PRSS23: variants seen among roughly 807,000 people sequenced by gnomAD.
PRSS23 encodes serine protease 23.
PRSS23 carries 25 observed loss-of-function variants against 34.7 expected under a neutral mutation model. The observed-to-expected ratio is 0.72, with a 90% CI of 0.53 to 1.01. The LOEUF (loss-of-function observed/expected upper bound fraction) is 1.01. PRSS23 is among the 50% of genes least tolerant of loss of function. The pLI is 0.00. For missense variants in PRSS23, 445 were observed against 475.6 expected, an observed-to-expected ratio of 0.94 and a Z score of 0.60; for synonymous variants, 176 against 186.6, an observed-to-expected ratio of 0.94 and a Z score of 0.46.
chr11:86,808,463 G>A lies in PRSS23; in HGVS notation c.820G>A (p.Gly274Arg). Residue 274 changes from glycine to arginine, a missense_variant, in exon 2 of 2, where the codon GGG becomes AGG. By Grantham distance (125) the Gly-to-Arg change is moderately radical. Transcript: ENST00000280258. ...GAGCCCTCCTGCTAAGCAGCTGCCA[G>A]GGGGCAGAATTCACTTCTCTGGTTA... ...GVSPPAKQLP[G>R]GRIHFSGYDN... is the part of the protein sequence containing the mutation. 1 of 1,614,232 alleles carries A rather than the reference G, an allele frequency of 6.2e-7. No homozygotes were observed. The highest frequency in any genetic ancestry group is 8.5e-7 in the Non-Finnish European group (1 of 1,180,036).
At chr11:86,796,827 T>G (rs1947984550), upstream of PRSS23, among the ~76,000 whole-genome samples, 1 of 152,236 alleles carries the variant, frequency 6.6e-6, no homozygotes, top group Non-Finnish European at 1.5e-5. Flanking sequence ...AGTAGTTTTG[T>G]GAACACAGTG....
intron 2 of PRSS23, among the ~76,000 whole-genome samples, chr11:86,828,696 A>G (rs565042878): frequency 1.7e-3 from 257 of 152,268 alleles, no homozygotes; most frequent in African/African-American, 5.9e-3. Context: ...CTTGGTGGTG[A>G]CAGAATCTCT....
At chr11:86,811,833 T>C (rs1565352788), downstream of PRSS23, among the ~76,000 whole-genome samples, 1 of 152,298 alleles carries the variant, frequency 6.6e-6, no homozygotes, top group African/African-American at 2.4e-5. Flanking sequence ...CCTGGAATGA[T>C]GACTCTAGGC....
chr11:86,822,862 C>T (rs542954592), intron 1 of PRSS23, among the ~76,000 whole-genome samples: 4 of 152,148 alleles, frequency 2.6e-5, no homozygotes, highest in Non-Finnish European at 5.9e-5. Flanking sequence ...AATACAAAAT[C>T]GGTGTTTCCT....
chr11:86,913,613 C>T (rs1392321682), intron 2 of PRSS23, among the ~76,000 whole-genome samples: 1 of 151,546 alleles, frequency 6.6e-6, no homozygotes, highest in Non-Finnish European at 1.5e-5. Context: ...TGAGAGTTCA[C>T]AGAACAGCAG....
exon 3 of PRSS23, chr11:86,951,936 T>C: frequency 6.2e-7 from 1 of 1,613,904 alleles, no homozygotes; most frequent in Non-Finnish European, 8.5e-7. Flanking sequence ...CGGCCTACAG[T>C]CAGCCTGACA....
chr11:86,857,469 GA>G (rs1268461512), intron 2 of PRSS23: 10 of 394,824 alleles, frequency 2.5e-5, no homozygotes, highest in East Asian at 7.2e-5. Context: ...ATGGGTCACA[GA>G]AAAAAAATTA....
At position 86,821,652 on chromosome 11, in the gene PRSS23, A is replaced by C. The variant is rs1323130134; in HGVS notation, c.-11-1725A>C. 3.2e-6 allele frequency: 5 copies of C among 1,573,110 alleles called. No homozygotes were observed. The African/African-American group carries it at 4.1e-5, about 13-fold the overall frequency. On this transcript the variant is annotated intron_variant, in intron 1 of 2. Coordinates refer to the PRSS23 transcript ENST00000533902. ...TTTCATCTTGGCCTTCAGCTGGTTC[A>C]AGAATTTTGTCAATATTGGAGCAAT...
Position 86,857,722 on chromosome 11 carries a change from A to C in PRSS23, c.206+34129A>C, listed in dbSNP as rs971709574. 6 of 769,508 alleles carry C rather than the reference A, an allele frequency of 7.8e-6. No individual in the cohort carries two copies. The African/African-American group carries it at 1.1e-4, about 14-fold the overall frequency. The allele number at this position is 769,508 out of a possible 1,614,324, so 47.7% of individuals were successfully genotyped here. ...AAGGACAAAGAAAGACATCTGTGTC[A>C]GGCAGCCCGCATAAGAGATGACTCT... On this transcript the variant is annotated intron_variant, in intron 2 of 2. Transcript: ENST00000533902.
chr11:86,880,492 CT>C (rs367624908), intron 2 of PRSS23, among the ~76,000 whole-genome samples: 1,556 of 152,016 alleles, frequency 0.01, 30 homozygotes, highest in African/African-American at 0.036. Context: ...ATACACTTGA[CT>C]TTTTTTTAAC....
At chr11:86,795,298 T>G (rs1416478020) in intron 1 of PRSS23, among the ~76,000 whole-genome samples, 1 of 152,232 alleles carries the variant, frequency 6.6e-6, no homozygotes, top group African/African-American at 2.4e-5. Flanking sequence ...CTCGATGCTA[T>G]GGGTTTTGTA....
intron 2 of PRSS23, among the ~76,000 whole-genome samples, chr11:86,834,382 G>A (rs1182289692): frequency 1.3e-5 from 2 of 152,124 alleles, no homozygotes; most frequent in Non-Finnish European, 2.9e-5. Flanking sequence ...CTTCTTCTGA[G>A]TACCGGGACT....
At chr11:86,897,238 A>C (rs956130495) in intron 2 of PRSS23, among the ~76,000 whole-genome samples, 5 of 152,224 alleles carry the variant, frequency 3.3e-5, no homozygotes, top group African/African-American at 1.2e-4. Context: ...AAAGAGTTAA[A>C]AGAACTGTTG....
At chr11:86,857,203 G>T in intron 2 of PRSS23, 1 of 323,224 alleles carries the variant, frequency 3.1e-6, no homozygotes, top group South Asian at 3.5e-5. Context: ...ATTCCTGGGA[G>T]ATGATGACAC....
chr11:86,829,829 G>C (rs1048473376), intron 2 of PRSS23, among the ~76,000 whole-genome samples: 3 of 152,198 alleles, frequency 2.0e-5, no homozygotes, highest in Admixed American at 1.3e-4. Context: ...GAATGCTGCT[G>C]TCTGATCGTT....
intron 2 of PRSS23, among the ~76,000 whole-genome samples, chr11:86,860,498 A>G (rs1362463451): frequency 6.6e-6 from 1 of 151,246 alleles, no homozygotes; most frequent in Admixed American, 6.6e-5. Context: ...ATTACTCCCA[A>G]TATCACAAGG....
chr11:86,878,839 A>T (rs1260144366), intron 2 of PRSS23, among the ~76,000 whole-genome samples: 4 of 149,802 alleles, frequency 2.7e-5, no homozygotes, highest in Non-Finnish European at 3.0e-5. Flanking sequence ...CCCTGCGGCC[A>T]TCCCGTCTAG....
chr11:86,951,862 C>G (rs2135040920), exon 3 of PRSS23: 2 of 1,613,590 alleles, frequency 1.2e-6, no homozygotes, highest in Non-Finnish European at 1.7e-6. Context: ...ATCCTGTGTT[C>G]TTAAGTCCTT....
At chr11:86,905,246 T>G (rs1948934798) in intron 2 of PRSS23, among the ~76,000 whole-genome samples, 1 of 152,210 alleles carries the variant, frequency 6.6e-6, no homozygotes, top group Non-Finnish European at 1.5e-5. Flanking sequence ...CAGCACATAG[T>G]GGCTATTCAA....
Sources: allele counts gnomAD v4.1 joint callset (sites outside exome capture counted in the v4.1 genomes callset), GRCh38; gene constraint gnomAD v4.1.1; transcripts MANE v1.5; gene names NCBI Gene and HGNC (gene_info 2026-07-23, HGNC 2026-07-21).